The following ATP1A1 variants were observed in gnomAD, a reference collection of about 807,000 sequenced individuals.
ATP1A1 encodes the protein ATPase Na+/K+ transporting subunit alpha 1.
ATP1A1 carries 14 observed loss-of-function variants against 114.8 expected under a neutral mutation model. The ratio of observed to expected loss-of-function variants is 0.12; its 90% CI spans 0.08 to 0.19. The LOEUF is 0.19. Ranked by LOEUF, ATP1A1 falls within the 10% of genes least tolerant of loss-of-function variation. The pLI is 1.00. For missense variants in ATP1A1, 524 were observed against 1,290.7 expected (o/e 0.41, Z 9.10); for synonymous variants, 471 against 466.3 (o/e 1.01, Z -0.13).
At chr1:116,391,004 C>G in intron 10 of ATP1A1, 113 bp downstream of exon 10, 1 of 890,074 alleles carries the variant, frequency 1.1e-6, no homozygotes, top group South Asian at 1.5e-5. Flanking sequence ...CACTGTAGAA[C>G]ACCTGGAGTG....
chr1:116,404,614 G>GA lies in ATP1A1; in HGVS notation c.*171dup. On this transcript the variant is annotated 3_prime_UTR_variant, in exon 23 of 23. Transcript: ENST00000295598. The surrounding 1 kb of genome is among the most constrained non-coding windows in gnomAD (Gnocchi z 4.8). The stretch of plus-strand genomic sequence containing the variant: ...AATGAAGCATGTAGCTCTATGGGGG[G>GA]AGGGGGGAGGGCTGCCTGAAAACCA... 8.5e-7 allele frequency: 1 copy of GA among 1,183,254 alleles called. No homozygotes were observed. The highest frequency in any genetic ancestry group is 1.1e-6 in the Non-Finnish European group (1 of 910,968). The allele number at this position is 1,183,254 out of a possible 1,614,324, so 73.3% of individuals were successfully genotyped here.
At chr1:116,375,922 G>C (rs919647719) in intron 1 of ATP1A1, among the ~76,000 whole-genome samples, 2 of 152,210 alleles carry the variant, frequency 1.3e-5, no homozygotes, top group Non-Finnish European at 2.9e-5. Flanking sequence ...GTCCTTAAAA[G>C]TCTAGTTCCT....
rs1373773430 is a variant in ATP1A1, at chr1:116,398,393, G to A, written c.2125-228G>A. Among the ~76,000 whole-genome samples, 3 of 152,182 alleles carry A rather than the reference G, an allele frequency of 2.0e-5. No homozygotes were observed. Among genetic ancestry groups the A allele is most frequent in the Non-Finnish European group, 4.4e-5 (3 of 68,036 alleles). ...CCACCCACCAGAGTCATTACTTTGA[G>A]TAGCTCTTGTTAATGCTGGGGGCTA... On this transcript the variant is annotated intron_variant, in intron 15 of 22. Coordinates refer to ENST00000295598, the MANE Select transcript of ATP1A1 (RefSeq NM_000701.8). This position sits in a 1 kb window ranked among gnomAD's most constrained non-coding sequence, Gnocchi z 6.1.
chr1:116,392,841 T>G lies in ATP1A1; in HGVS notation c.1333-13T>G. On this transcript the variant is annotated splice_polypyrimidine_tract_variant and intron_variant, in intron 10 of 22. Transcript: ENST00000295598. The stretch of plus-strand genomic sequence containing the variant: ...TTTTGGAGATAATTTACAGATGATG[T>G]CTCTGTTCACAGCGGGCAGTTGCAG... 6.2e-7 allele frequency: 1 copy of G among 1,600,350 alleles called. No individual in the cohort carries two copies. The highest frequency in any genetic ancestry group is 8.5e-7 in the Non-Finnish European group (1 of 1,174,060).
At chr1:116,400,806 A>C (rs996783123) in intron 18 of ATP1A1, 55 bp from the exon 19 acceptor site, 1 of 1,601,642 alleles carries the variant, frequency 6.2e-7, no homozygotes, top group African/African-American at 1.4e-5. Flanking sequence ...GCTGAAGGCT[A>C]TACAGGTACC....
intron 21 of ATP1A1, among the ~76,000 whole-genome samples, 193 bp from the exon 22 acceptor site, chr1:116,403,691 T>C (rs989685965): frequency 6.6e-6 from 1 of 152,254 alleles, no homozygotes; most frequent in Admixed American, 6.5e-5. Flanking sequence ...CTCTAGGCCC[T>C]GGGCACATGG....
At position 116,388,818 on chromosome 1, in the gene ATP1A1, G is replaced by A. The variant is rs750334777; in HGVS notation, c.636+46G>A. On this transcript the variant is annotated intron_variant, in intron 6 of 22. Transcript: ENST00000295598. This position sits in a 1 kb window ranked among gnomAD's most constrained non-coding sequence, Gnocchi z 5.6. The stretch of plus-strand genomic sequence containing the variant: ...AACCTCATAGCTAGCTCTGCTGTTC[G>A]GGCAGCTTGATTTGAGGGGTACAGT... 16 of 1,612,766 alleles carry A rather than the reference G, an allele frequency of 9.9e-6. No individual in the cohort carries two copies. In the South Asian group the frequency reaches 1.1e-4, roughly 11 times the overall value.
chr1:116,403,734 T>C, intron 21 of ATP1A1, 150 bp from the exon 22 acceptor site: 1 of 652,846 alleles, frequency 1.5e-6, no homozygotes, highest in Non-Finnish European at 2.7e-6. Context: ...TTTTTATTTG[T>C]TCTGTTAATG....
Position 116,384,645 on chromosome 1 carries a change from T to C in ATP1A1, c.124-138T>C. 1.4e-6 allele frequency: 1 copy of C among 705,706 alleles called. No homozygotes were observed. Among genetic ancestry groups the C allele is most frequent in the South Asian group, 1.9e-5 (1 of 51,660 alleles). 43.7% of individuals were successfully genotyped at this position (705,706 alleles called of 1,614,324 possible). A position where few individuals can be genotyped will look rare whatever the true frequency, so the allele number is the denominator to read the frequency against. ...AAAGCCACAAAGCGATGGTGAAAAT[T>C]GTACCAACTTATGCACTGAAGAAAA... On this transcript the variant is annotated intron_variant, in intron 2 of 22. Transcript: ENST00000295598. The surrounding 1 kb of genome is among the most constrained non-coding windows in gnomAD (Gnocchi z 5.1).
At position 116,399,413 on chromosome 1, in the gene ATP1A1, T is replaced by G; in HGVS notation, c.2449-7T>G. On this transcript the variant is annotated splice_polypyrimidine_tract_variant and splice_region_variant and intron_variant, in intron 17 of 22. Transcript: ENST00000295598. The surrounding 1 kb of genome is among the most constrained non-coding windows in gnomAD (Gnocchi z 5.0). ...TAACTAAATTCCTTCTCCCCACCCCTTCCCAGGTTCCTGCCATCTCCCTGG... is the reference window on the plus strand; with the variant it reads ...TAACTAAATTCCTTCTCCCCACCCCGTCCCAGGTTCCTGCCATCTCCCTGG... 6.2e-7 allele frequency: 1 copy of G among 1,613,952 alleles called. No individual in the cohort carries two copies. The highest frequency in any genetic ancestry group is 1.1e-5 in the South Asian group (1 of 91,016).
At chr1:116,374,232 G>A in intron 1 of ATP1A1, 1 of 1,551,678 alleles carries the variant, frequency 6.4e-7, no homozygotes, top group Non-Finnish European at 8.7e-7. Flanking sequence ...GCCCTAAGAT[G>A]GCCTTTAAGG....
intron 1 of ATP1A1, among the ~76,000 whole-genome samples, chr1:116,376,437 G>A (rs1302287829): frequency 6.6e-6 from 1 of 152,204 alleles, no homozygotes. Context: ...ATGCCTCAGA[G>A]TGGAAAGTTG....
rs1464629342 is a variant in ATP1A1 at position 116,387,570 on chromosome 1, A to G, written c.387+79A>G. 7.0e-7 allele frequency: 1 copy of G among 1,423,622 alleles called. No individual in the cohort carries two copies. Among genetic ancestry groups the G allele is most frequent in the South Asian group, 1.2e-5 (1 of 80,666 alleles). 88.2% of individuals were successfully genotyped at this position (1,423,622 alleles called of 1,614,324 possible). On this transcript the variant is annotated intron_variant, in intron 4 of 22. Coordinates refer to ENST00000295598, the MANE Select transcript of ATP1A1 (RefSeq NM_000701.8). The surrounding 1 kb of genome is among the most constrained non-coding windows in gnomAD (Gnocchi z 6.7). ...CGTCTTTGTCTCCCACTTCTTCTCA[A>G]TTACCACTCATTACTTAATGGTTAT...
At position 116,401,461 on chromosome 1, in the gene ATP1A1, T is replaced by A. The variant is rs962703658; in HGVS notation, c.2850-93T>A. ...CAAGTTTTCAAGTACAGCTAATACATAAAGATGTTGATCTGCCATTTTAAT... is the reference window on the plus strand; with the variant it reads ...CAAGTTTTCAAGTACAGCTAATACAAAAAGATGTTGATCTGCCATTTTAAT... On this transcript the variant is annotated intron_variant, in intron 20 of 22. Transcript: ENST00000295598. The surrounding 1 kb of genome is among the most constrained non-coding windows in gnomAD (Gnocchi z 4.7). 1.4e-5 allele frequency: 20 copies of A among 1,449,388 alleles called. No homozygotes were observed. The highest frequency in any genetic ancestry group is 1.9e-5 in the Non-Finnish European group (20 of 1,044,096). The allele number at this position is 1,449,388 out of a possible 1,614,324, so 89.8% of individuals were successfully genotyped here.
At chr1:116,394,802 G>C (rs965102133) in intron 12 of ATP1A1, among the ~76,000 whole-genome samples, 1 of 152,200 alleles carries the variant, frequency 6.6e-6, no homozygotes, top group Admixed American at 6.5e-5. Flanking sequence ...CAGTGGGCAA[G>C]TCTAGAACCC....
chr1:116,373,655 A>C, intron 1 of ATP1A1, 132 bp downstream of exon 1: 2 of 1,044,272 alleles, frequency 1.9e-6, no homozygotes, highest in Non-Finnish European at 2.5e-6. Flanking sequence ...GGGCTGGCAG[A>C]GCCGCGCGGC....
At position 116,395,172 on chromosome 1, in the gene ATP1A1, G is replaced by C. The variant is rs757809799; in HGVS notation, c.1723G>C (p.Asp575His). 1 of 1,614,074 alleles carries C rather than the reference G, an allele frequency of 6.2e-7. No individual in the cohort carries two copies. Among genetic ancestry groups the C allele is most frequent in the Non-Finnish European group, 8.5e-7 (1 of 1,180,002 alleles). The change falls in exon 13 of 23, where the codon GAT becomes CAT. Residue 575 changes from aspartate (D) to histidine (H), a missense_variant. Asp to His is a moderately conservative substitution (Grantham distance 81). Around this residue, in one of 8 missense-constraint regions of ATP1A1, gnomAD observed 143 missense variants for 259.3 expected, o/e 0.55. Transcript: ENST00000295598. This position sits in a 1 kb window ranked among gnomAD's most constrained non-coding sequence, Gnocchi z 6.4. ...TGAAGGGTTCCAGTTTGACACTGAC[G>C]ATGTGAATTTCCCTATCGATAATCT... ...FPEGFQFDTD[D>H]VNFPIDNLCF... is the part of the protein sequence containing the mutation.
At position 116,388,283 on chromosome 1, in the gene ATP1A1, C is replaced by CA; in HGVS notation, c.501+40dup. 6.9e-7 allele frequency: 1 copy of CA among 1,452,398 alleles called. No homozygotes were observed. Among genetic ancestry groups the CA allele is most frequent in the Non-Finnish European group, 9.7e-7 (1 of 1,033,740 alleles). 90.0% of individuals were successfully genotyped at this position (1,452,398 alleles called of 1,614,324 possible). On this transcript the variant is annotated intron_variant, in intron 5 of 22. Coordinates refer to ENST00000295598, the MANE Select transcript of ATP1A1 (RefSeq NM_000701.8). The surrounding 1 kb of genome is among the most constrained non-coding windows in gnomAD (Gnocchi z 5.6). Reference sequence around the variant, plus strand: ...TGTCCTTCCCCAGTGGATGACTTGACAGCCCCAAGCATGTCAGCCTGTGAA... The same window carrying CA: ...TGTCCTTCCCCAGTGGATGACTTGACAAGCCCCAAGCATGTCAGCCTGTGAA...
rs1247867551 is a variant in ATP1A1 at position 116,401,655 on chromosome 1, A to G, written c.2951A>G (p.Lys984Arg). 1.9e-6 allele frequency: 3 copies of G among 1,613,678 alleles called. No homozygotes were observed. Among genetic ancestry groups the G allele is most frequent in the Non-Finnish European group, 1.7e-6 (2 of 1,179,620 alleles). ...GTTGCTCTTAGGATGTATCCCCTCAAGTAAGTTGATCCTCTGGTAGCTCCA... is the reference window on the plus strand; with the variant it reads ...GTTGCTCTTAGGATGTATCCCCTCAGGTAAGTTGATCCTCTGGTAGCTCCA... ...MGVALRMYPLKPTWWFCAFPY... is the reference protein window; with the variant it reads ...MGVALRMYPLRPTWWFCAFPY... Residue 984 changes from lysine (K) to arginine (R), a missense_variant and splice_region_variant, in exon 21 of 23, where the codon AAA becomes AGA. Lys to Arg is a conservative substitution (Grantham distance 26, BLOSUM62 2). Around this residue, in one of 8 missense-constraint regions of ATP1A1, gnomAD observed 84 missense variants for 209.3 expected, o/e 0.40. Coordinates refer to ENST00000295598, the MANE Select transcript of ATP1A1 (RefSeq NM_000701.8). This position sits in a 1 kb window ranked among gnomAD's most constrained non-coding sequence, Gnocchi z 4.7.
Sources: gnomAD v4.1 joint callset for allele counts (sites outside exome capture counted in the v4.1 genomes callset) on GRCh38, gnomAD v4.1.1 for gene constraint, gnomAD v4.1.1 regional missense constraint, Gnocchi (gnomAD v3.1) non-coding constraint, MANE v1.5 for transcripts, NCBI Gene and HGNC (gene_info 2026-07-23, HGNC 2026-07-21) for gene names.